The following CD82 variants were observed in gnomAD, a reference collection of about 807,000 sequenced individuals.
CD82 encodes CD82 antigen.
A neutral mutation model predicts 37.4 loss-of-function variants in CD82; 36 were observed. The observed-to-expected ratio is 0.96, with a 90% confidence interval of 0.74 to 1.27. The LOEUF (loss-of-function observed/expected upper bound fraction) is 1.27. Ranked by LOEUF, CD82 falls within the 50% of genes most tolerant of loss-of-function variation. CD82 has a pLI of 0.00. For missense variants in CD82, 340 were observed against 347.0 expected (o/e 0.98, Z 0.16); for synonymous variants, 158 against 137.4 (o/e 1.15, Z -1.05).
intron 1 of CD82, among the ~76,000 whole-genome samples, chr11:44,572,632 A>G (rs1172549893): frequency 6.6e-6 from 1 of 152,186 alleles, no homozygotes; most frequent in African/African-American, 2.4e-5. Flanking sequence ...AGAGTTAGAT[A>G]TGAATAGGAG....
In CD82 at chr11:44,576,602, G is replaced by A. The variant is rs78586209; in HGVS notation, c.-103+10866G>A. On this transcript the variant is annotated intron_variant, in intron 1 of 9. Coordinates refer to ENST00000227155, the MANE Select transcript of CD82 (RefSeq NM_002231.4). Reference sequence around the variant, plus strand: ...GGATTCAGGGTCTTGCAGTGGGAGGGCACTGGCTGGTCACCGGGAGACCCC... The same window carrying A: ...GGATTCAGGGTCTTGCAGTGGGAGGACACTGGCTGGTCACCGGGAGACCCC... Among the ~76,000 whole-genome samples the A allele has an allele frequency of 6.9e-3, 1,049 of 152,306 alleles. 12 individuals are homozygous for A. The highest frequency in any genetic ancestry group is 0.024 in the African/African-American group (998 of 41,548).
intron 4 of CD82, among the ~76,000 whole-genome samples, chr11:44,602,901 C>T (rs10838314): frequency 2.0e-5 from 3 of 152,144 alleles, no homozygotes; most frequent in South Asian, 2.1e-4. Context: ...CTGCCAGGCA[C>T]CTTGCAGCCT....
chr11:44,594,956 C>A, intron 3 of CD82: 1 of 552,086 alleles, frequency 1.8e-6, no homozygotes, highest in Non-Finnish European at 3.3e-6. Context: ...GCCTTCCCCT[C>A]TCCTAGATCA....
At chr11:44,567,216 A>G (rs1448698449) in intron 1 of CD82, among the ~76,000 whole-genome samples, 3 of 152,132 alleles carry the variant, frequency 2.0e-5, no homozygotes, top group African/African-American at 7.2e-5. Context: ...GCGAGGGGCA[A>G]TGTGGGCACC....
intron 6 of CD82, among the ~76,000 whole-genome samples, chr11:44,612,886 C>T (rs1386598611): frequency 6.6e-6 from 1 of 152,056 alleles, no homozygotes; most frequent in Non-Finnish European, 1.5e-5. Context: ...ATCTGCCCAC[C>T]TTGGCCTCCC....
intron 8 of CD82, 101 bp downstream of exon 8, chr11:44,618,466 A>G (rs2303861): frequency 0.75 from 832,584 of 1,115,212 alleles, 311,788 homozygotes; most frequent in East Asian, 0.87. Context: ...TCCTTCCCTT[A>G]ATTCATCTGT....
chr11:44,577,818 A>G lies in CD82; in HGVS notation c.-102-9657A>G, dbSNP rs539823751. On this transcript the variant is annotated intron_variant, in intron 1 of 9. Transcript: ENST00000227155. ...CTCAGGCTATGTTCTGCCTCCACCT[A>G]CCCCAACCCGCTTGAGTAGGGCGCC... Among the ~76,000 whole-genome samples the G allele has an allele frequency of 2.1e-4, 32 of 151,958 alleles. No individual in the cohort carries two copies. The South Asian group carries it at 6.4e-3, about 31-fold the overall frequency.
At chr11:44,599,794 G>T (rs936498651) in intron 3 of CD82, among the ~76,000 whole-genome samples, 9 of 152,246 alleles carry the variant, frequency 5.9e-5, no homozygotes, top group Non-Finnish European at 7.3e-5. Flanking sequence ...AGCCTTTCTT[G>T]TTTGGGAAGC....
At chr11:44,585,484 G>A (rs572897088) in intron 1 of CD82, among the ~76,000 whole-genome samples, 3 of 152,308 alleles carry the variant, frequency 2.0e-5, no homozygotes, top group African/African-American at 7.2e-5. Flanking sequence ...AGGAAGAGTG[G>A]GAGGAGAGGG....
In CD82 at chr11:44,585,985, T is replaced by A. The variant is rs1853048780; in HGVS notation, c.-102-1490T>A. Among the ~76,000 whole-genome samples, 4 of 152,290 alleles carry A rather than the reference T, an allele frequency of 2.6e-5. No individual in the cohort carries two copies. The South Asian group carries it at 8.3e-4, about 32-fold the overall frequency. ...GAGCTTCATGTGACACTTTTTCGGATGCCAGAGTGCCAGGCAGATTCTCCC... is the reference window on the plus strand; with the variant it reads ...GAGCTTCATGTGACACTTTTTCGGAAGCCAGAGTGCCAGGCAGATTCTCCC... On this transcript the variant is annotated intron_variant, in intron 1 of 9. Transcript: ENST00000227155.
In CD82 at chr11:44,603,762, T is replaced by A. The variant is rs565058815; in HGVS notation, c.137-1296T>A. Among the ~76,000 whole-genome samples the A allele has an allele frequency of 3.3e-5, 5 of 152,170 alleles. No homozygotes were observed. The East Asian group carries it at 9.6e-4, about 29-fold the overall frequency. ...TTAGGAAATGTTGGCCAAGTGCCCCTGCAGGACTCCTGACCTCTACCTCCC... is the reference window on the plus strand; with the variant it reads ...TTAGGAAATGTTGGCCAAGTGCCCCAGCAGGACTCCTGACCTCTACCTCCC... On this transcript the variant is annotated intron_variant, in intron 4 of 9. Transcript: ENST00000227155.
chr11:44,602,674 A>C (rs1853324366), intron 4 of CD82, among the ~76,000 whole-genome samples: 2 of 102,164 alleles, frequency 2.0e-5, no homozygotes, highest in South Asian at 4.8e-4. Flanking sequence ...TAAAAGGTGA[A>C]AAAAAAATTT....
At chr11:44,596,250 A>T (rs922627792) in intron 3 of CD82, among the ~76,000 whole-genome samples, 3 of 152,246 alleles carry the variant, frequency 2.0e-5, no homozygotes, top group African/African-American at 7.2e-5. Flanking sequence ...CTGCCTGTGC[A>T]GGCAAAGCCA....
chr11:44,615,016 G>A (rs540989352), intron 6 of CD82, among the ~76,000 whole-genome samples: 11 of 152,302 alleles, frequency 7.2e-5, no homozygotes, highest in East Asian at 5.8e-4. Context: ...AGGCCCCTAC[G>A]GGGTTTTCAG....
chr11:44,608,519 C>G (rs1853432560), intron 6 of CD82, among the ~76,000 whole-genome samples: 2 of 152,236 alleles, frequency 1.3e-5, no homozygotes, highest in Admixed American at 1.3e-4. Flanking sequence ...AGGGTCTTGA[C>G]TGTGGAACCA....
At chr11:44,617,666 C>T (rs1021763337) in intron 7 of CD82, among the ~76,000 whole-genome samples, 1 of 152,086 alleles carries the variant, frequency 6.6e-6, no homozygotes, top group Non-Finnish European at 1.5e-5. Context: ...TCAACTCCTG[C>T]ACTAAAGTTG....
upstream of CD82, chr11:44,564,553 G>A: frequency 2.2e-6 from 1 of 454,120 alleles, no homozygotes; most frequent in South Asian, 1.6e-5. Flanking sequence ...AGAGGGCTGG[G>A]ACGCAGGGTG....
At chr11:44,587,849 T>C in intron 2 of CD82, 1 of 319,110 alleles carries the variant, frequency 3.1e-6, no homozygotes, top group Non-Finnish European at 6.3e-6. Flanking sequence ...GAACCGTCTC[T>C]TCGGACTCAG....
chr11:44,610,831 CT>C lies in CD82; in HGVS notation c.337-4431del, dbSNP rs113238043. ...AATCTGCTGTTGCTGTATTGAAATT[CT>C]TTTTTTTTTCTTTTCTTTTTGAGAT... On this transcript the variant is annotated intron_variant, in intron 6 of 9. Transcript: ENST00000227155. 9.3e-4 allele frequency among the ~76,000 whole-genome samples: 140 copies of C among 150,208 alleles called. 2 individuals carry two copies. The Middle Eastern group carries it at 0.01, about 11-fold the overall frequency.
Sources: allele counts gnomAD v4.1 joint callset (sites outside exome capture counted in the v4.1 genomes callset), GRCh38; gene constraint gnomAD v4.1.1; transcripts MANE v1.5; gene names NCBI Gene and HGNC (gene_info 2026-07-23, HGNC 2026-07-21).